The following OTOGL variants were observed in gnomAD, a reference collection of about 807,000 sequenced individuals.
OTOGL encodes the protein otogelin-like protein.
A neutral mutation model predicts 318.5 loss-of-function variants in OTOGL; 285 were observed. The observed-to-expected ratio is 0.89, with a 90% CI of 0.81 to 0.99. OTOGL has a LOEUF of 0.99. Among genes scored for constraint, OTOGL ranks in the 50% least tolerant of loss-of-function variants. OTOGL has a pLI of 0.00. For synonymous variants in OTOGL, 987 were observed against 936.5 expected, an observed-to-expected ratio of 1.05 and a Z score of -0.99; for missense variants, 2,899 against 2,845.6, an observed-to-expected ratio of 1.02 and a Z score of -0.43.
intron 1 of OTOGL, among the ~76,000 whole-genome samples, chr12:80,123,870 C>A (rs1338367065): frequency 6.6e-6 from 1 of 152,090 alleles, no homozygotes; most frequent in Non-Finnish European, 1.5e-5. Flanking sequence ...CCTTCGCCCA[C>A]TTTTTGATGG....
intron 44 of OTOGL, 141 bp downstream of exon 44, chr12:80,342,303 A>G (rs1888832298): frequency 3.2e-6 from 2 of 631,968 alleles, no homozygotes; most frequent in Non-Finnish European, 5.3e-6. Context: ...TGGAATTCAG[A>G]ATCACTTATT....
intron 32 of OTOGL, among the ~76,000 whole-genome samples, chr12:80,316,468 C>G (rs990764390): frequency 6.6e-6 from 1 of 152,168 alleles, no homozygotes; most frequent in Middle Eastern, 3.2e-3. Flanking sequence ...ATTTTGCTCT[C>G]TGTTAACAAG....
intron 1 of OTOGL, among the ~76,000 whole-genome samples, chr12:80,126,527 G>T (rs1056491816): frequency 9.2e-5 from 14 of 152,178 alleles, no homozygotes; most frequent in Non-Finnish European, 1.8e-4. Context: ...TTGATTTGGG[G>T]TGGAGAGTTC....
rs541580522 is a variant in OTOGL, at chr12:80,204,450, G to T, written c.-19-4963G>T. On this transcript the variant is annotated intron_variant, in intron 1 of 58. Transcript: ENST00000547103. ...GTTTTGTTTTATAGTTTAAATAATT[G>T]GATCCAAGTATAGCACGCTTTCTTT... Among the ~76,000 whole-genome samples the T allele has an allele frequency of 1.3e-4, 20 of 152,144 alleles. No individual in the cohort carries two copies. The South Asian group carries it at 3.1e-3, about 24-fold the overall frequency.
intron 7 of OTOGL, among the ~76,000 whole-genome samples, chr12:80,222,908 CT>C (rs374330823): frequency 1.8e-4 from 27 of 151,794 alleles, no homozygotes; most frequent in African/African-American, 6.5e-4. Flanking sequence ...CCTGAAACTT[CT>C]TTTTTTTCAT....
chr12:80,128,789 C>T (rs562672355), intron 1 of OTOGL, among the ~76,000 whole-genome samples: 70 of 152,324 alleles, frequency 4.6e-4, no homozygotes, highest in African/African-American at 1.6e-3. Flanking sequence ...TGATCTCAGA[C>T]TGCTGTGCTA....
chr12:80,361,029 T>C (rs940032590), intron 52 of OTOGL: 3 of 152,076 alleles, frequency 2.0e-5, no homozygotes, highest in African/African-American at 7.2e-5. Flanking sequence ...AAAAATACAA[T>C]ACATTGTTAC....
intron 43 of OTOGL, among the ~76,000 whole-genome samples, chr12:80,341,081 A>G (rs1377578214): frequency 1.1e-4 from 16 of 152,040 alleles, no homozygotes; most frequent in Non-Finnish European, 1.0e-4. Flanking sequence ...CATATATTTT[A>G]TAGCCCAGAG....
In OTOGL at chr12:80,367,465, C is replaced by T. The variant is rs776679924; in HGVS notation, c.6332-96C>T. 29 of 946,408 alleles carry T rather than the reference C, an allele frequency of 3.1e-5. 1 individual carries two copies. Among genetic ancestry groups the T allele is most frequent in the South Asian group, 4.7e-5 (2 of 42,866 alleles). 58.6% of individuals were successfully genotyped at this position (946,408 alleles called of 1,614,324 possible). On this transcript the variant is annotated intron_variant, in intron 53 of 58. Transcript: ENST00000547103. ...CATTAGTTTTGAAAAATTGGCACAT[C>T]GCAATGAAAACATAGACTCAAATAT...
At chr12:80,287,827 G>A (rs1884750178) in intron 26 of OTOGL, among the ~76,000 whole-genome samples, 1 of 151,916 alleles carries the variant, frequency 6.6e-6, no homozygotes, top group Non-Finnish European at 1.5e-5. Flanking sequence ...ATATAGCACA[G>A]CAATGGGTCT....
chr12:80,340,530 T>G (rs1408330033), intron 43 of OTOGL, among the ~76,000 whole-genome samples: 4 of 152,196 alleles, frequency 2.6e-5, no homozygotes, highest in Non-Finnish European at 5.9e-5. Context: ...CCTTCTCTAC[T>G]ATTAGCTCTT....
rs1872378170 is a variant in OTOGL, at chr12:80,146,554, AG to A, written c.-20+46950del. On this transcript the variant is annotated intron_variant, in intron 1 of 58. Transcript: ENST00000547103. Reference sequence around the variant, plus strand: ...TGTGTCTCTGCCAGGCTTTGGTATCAGAATGATGCTGGCCTCATAAAATGAG... The same window carrying A: ...TGTGTCTCTGCCAGGCTTTGGTATCAAATGATGCTGGCCTCATAAAATGAG... Among the ~76,000 whole-genome samples the A allele has an allele frequency of 4.0e-5, 6 of 149,996 alleles. No individual in the cohort carries two copies. The South Asian group carries it at 1.2e-3, about 31-fold the overall frequency.
In OTOGL at chr12:80,233,027, T is replaced by C; in HGVS notation, c.747T>C (p.His249=). 1 of 1,598,708 alleles carries C rather than the reference T, an allele frequency of 6.3e-7. No homozygotes were observed. ...SGIYLKLSED[H]KGKSCGLCGN... ...TCTACCTCAAGCTGTCTGAGGACCATAAGGGGAAATCATGTGGCCTATGTG... is the reference window on the plus strand; with the variant it reads ...TCTACCTCAAGCTGTCTGAGGACCACAAGGGGAAATCATGTGGCCTATGTG... Residue 249 remains histidine, a synonymous_variant, in exon 9 of 59, where the codon CAT becomes CAC. Transcript: ENST00000547103.
intron 11 of OTOGL, among the ~76,000 whole-genome samples, chr12:80,247,260 T>A (rs1474921467): frequency 6.2e-4 from 90 of 145,930 alleles, no homozygotes; most frequent in African/African-American, 2.4e-3. Flanking sequence ...GATGTTAGGC[T>A]GTCAATTTTG....
At position 80,369,022 on chromosome 12, in the gene OTOGL, AT is replaced by A. The variant is rs762898844; in HGVS notation, c.6615+714del. Among the ~76,000 whole-genome samples the A allele has an allele frequency of 3.0e-3, 448 of 151,762 alleles. 1 individual carries two copies. Among genetic ancestry groups the A allele is most frequent in the Non-Finnish European group, 2.9e-3 (198 of 67,830 alleles). ...GAAAGTAGTGTCAAGGAGGAAAAAA[AT>A]ATATATATGTATAATACACACATAT... On this transcript the variant is annotated intron_variant, in intron 55 of 58. Coordinates refer to ENST00000547103, the MANE Select transcript of OTOGL (RefSeq NM_001378609.3).
At chr12:80,207,131 G>GT (rs1192140128) in intron 1 of OTOGL, among the ~76,000 whole-genome samples, 1 of 151,982 alleles carries the variant, frequency 6.6e-6, no homozygotes, top group African/African-American at 2.4e-5. Context: ...ATTATAAAAT[G>GT]TTTATTTTAT....
chr12:80,258,654 A>G (rs1012668327), intron 18 of OTOGL, among the ~76,000 whole-genome samples: 4 of 152,134 alleles, frequency 2.6e-5, no homozygotes, highest in African/African-American at 9.7e-5. Context: ...GCACAATGGG[A>G]GCAATTTAAG....
chr12:80,131,312 G>C (rs375146460), intron 1 of OTOGL, among the ~76,000 whole-genome samples: 1 of 152,192 alleles, frequency 6.6e-6, no homozygotes, highest in South Asian at 2.1e-4. Flanking sequence ...TGCTTCCATA[G>C]TGCATAGAGA....
Position 80,219,790 on chromosome 12 carries a change from CTTTT to C in OTOGL, c.236-13_236-10del. On this transcript the variant is annotated intron_variant, in intron 5 of 58. Transcript: ENST00000547103. ...AGAACAAATGGATGCCAGAAGATAA[CTTTT>C]TTTTTTTTTTCCCCCTCAGGTTCTT... 1.2e-5 allele frequency: 15 copies of C among 1,201,234 alleles called. No individual in the cohort carries two copies. Among genetic ancestry groups the C allele is most frequent in the Admixed American group, 4.0e-5 (2 of 49,648 alleles). The allele number at this position is 1,201,234 out of a possible 1,614,324, so 74.4% of individuals were successfully genotyped here.
Sources: allele counts gnomAD v4.1 joint callset (sites outside exome capture counted in the v4.1 genomes callset), GRCh38; gene constraint gnomAD v4.1.1; transcripts MANE v1.5; gene names NCBI Gene and HGNC (gene_info 2026-07-23, HGNC 2026-07-21).